INPP4B: variants seen among roughly 807,000 people sequenced by gnomAD.
INPP4B encodes inositol polyphosphate 4-phosphatase type II.
INPP4B carries 55 observed loss-of-function variants against 122.5 expected under a neutral mutation model. The ratio of observed to expected loss-of-function variants is 0.45; its 90% CI spans 0.36 to 0.56. The LOEUF (loss-of-function observed/expected upper bound fraction) is 0.56, where lower values mean the gene tolerates loss of function less well. INPP4B is among the 20% of genes least tolerant of loss of function. The pLI is 0.00. For missense variants in INPP4B, 1,000 were observed against 1,097.7 expected, an observed-to-expected ratio of 0.91 and a Z score of 1.26; for synonymous variants, 403 against 388.7, an observed-to-expected ratio of 1.04 and a Z score of -0.43.
chr4:142,192,171 G>C (rs1308608215), intron 15 of INPP4B, among the ~76,000 whole-genome samples: 1 of 151,440 alleles, frequency 6.6e-6, no homozygotes, highest in African/African-American at 2.4e-5. Flanking sequence ...TAAGGGTGGA[G>C]GGTGGAGGAG....
chr4:142,411,615 G>A (rs1182879266), intron 5 of INPP4B, among the ~76,000 whole-genome samples: 1 of 152,146 alleles, frequency 6.6e-6, no homozygotes, highest in Non-Finnish European at 1.5e-5. Context: ...ACAGGGGCCA[G>A]GCACAGTGGC....
chr4:142,678,442 C>T (rs977452075), intron 2 of INPP4B, among the ~76,000 whole-genome samples: 5 of 151,932 alleles, frequency 3.3e-5, no homozygotes, highest in African/African-American at 4.8e-5. Flanking sequence ...CATTAGACAA[C>T]TGAGTGTGTG....
At chr4:142,278,605 T>C (rs1367746921) in intron 9 of INPP4B, among the ~76,000 whole-genome samples, 1 of 151,892 alleles carries the variant, frequency 6.6e-6, no homozygotes, top group Non-Finnish European at 1.5e-5. Flanking sequence ...GAATTCCCCT[T>C]ACCTTTTATT....
chr4:142,102,622 G>T (rs982324922), intron 23 of INPP4B, among the ~76,000 whole-genome samples: 1 of 151,988 alleles, frequency 6.6e-6, no homozygotes, highest in Non-Finnish European at 1.5e-5. Context: ...AGTTTTCTGT[G>T]ACCTTTTGCT....
chr4:142,511,402 A>G (rs1422947710), intron 2 of INPP4B, among the ~76,000 whole-genome samples: 1 of 152,186 alleles, frequency 6.6e-6, no homozygotes, highest in African/African-American at 2.4e-5. Context: ...TCTGCTTGTC[A>G]TTCTATCTAA....
At chr4:142,796,530 G>C (rs576451999) in intron 1 of INPP4B, among the ~76,000 whole-genome samples, 1 of 152,038 alleles carries the variant, frequency 6.6e-6, no homozygotes, top group Non-Finnish European at 1.5e-5. Context: ...GCTGAACAGA[G>C]AAGAGGTAAA....
chr4:142,404,570 T>C (rs1802692840), intron 6 of INPP4B, among the ~76,000 whole-genome samples: 1 of 152,186 alleles, frequency 6.6e-6, no homozygotes, highest in Non-Finnish European at 1.5e-5. Context: ...AATGTTATAT[T>C]AGTAATAATA....
chr4:142,321,467 A>T (rs1410955970), intron 7 of INPP4B, among the ~76,000 whole-genome samples: 1 of 151,884 alleles, frequency 6.6e-6, no homozygotes, highest in Non-Finnish European at 1.5e-5. Context: ...TTTTTGTTGC[A>T]TTTGCTTTTG....
intron 5 of INPP4B, among the ~76,000 whole-genome samples, chr4:142,408,554 T>C (rs1803940297): frequency 6.6e-6 from 1 of 152,082 alleles, no homozygotes; most frequent in African/African-American, 2.4e-5. Flanking sequence ...CTCTGTCTCA[T>C]AAATAAATAA....
At chr4:142,555,416 T>G (rs1431591036) in intron 2 of INPP4B, among the ~76,000 whole-genome samples, 1 of 152,072 alleles carries the variant, frequency 6.6e-6, no homozygotes, top group Non-Finnish European at 1.5e-5. Flanking sequence ...ATGAAAGATG[T>G]TAAGGAGGGA....
At chr4:142,496,206 T>C (rs1185836898) in intron 2 of INPP4B, among the ~76,000 whole-genome samples, 1 of 152,170 alleles carries the variant, frequency 6.6e-6, no homozygotes, top group Admixed American at 6.6e-5. Flanking sequence ...TTCTTCCTGG[T>C]TAATTTTGCT....
chr4:142,031,850 C>G (rs944082407), intron 25 of INPP4B, among the ~76,000 whole-genome samples: 5 of 152,108 alleles, frequency 3.3e-5, no homozygotes, highest in African/African-American at 1.2e-4. Context: ...CTACTATGAA[C>G]CAATTGCTGC....
intron 1 of INPP4B, among the ~76,000 whole-genome samples, chr4:142,845,989 C>T (rs1008160640): frequency 3.3e-5 from 5 of 151,906 alleles, no homozygotes; most frequent in Admixed American, 3.3e-4. Context: ...CCCCAGCAGC[C>T]GAGGAGAGAC....
chr4:142,140,478 AT>A (rs1354935320), intron 18 of INPP4B, among the ~76,000 whole-genome samples: 1 of 152,188 alleles, frequency 6.6e-6, no homozygotes, highest in Non-Finnish European at 1.5e-5. Context: ...CCTTTTAGTG[AT>A]GTGCCTTAAG....
At chr4:142,536,616 C>T (rs1828224163) in intron 2 of INPP4B, among the ~76,000 whole-genome samples, 1 of 152,210 alleles carries the variant, frequency 6.6e-6, no homozygotes, top group Non-Finnish European at 1.5e-5. Context: ...TCTCTTCCTG[C>T]ACTTCACCAA....
At chr4:142,578,758 C>T (rs1734386666) in intron 2 of INPP4B, among the ~76,000 whole-genome samples, 1 of 151,932 alleles carries the variant, frequency 6.6e-6, no homozygotes, top group African/African-American at 2.4e-5. Context: ...TATTTCAGCC[C>T]TTAACAAATG....
At chr4:142,565,948 A>C (rs1486477792) in intron 2 of INPP4B, 1 of 152,196 alleles carries the variant, frequency 6.6e-6, no homozygotes, top group Non-Finnish European at 1.5e-5. Context: ...TCATCGACCT[A>C]GTATAAGAGA....
At chr4:142,639,090 T>C (rs1328234480) in intron 2 of INPP4B, among the ~76,000 whole-genome samples, 2 of 152,228 alleles carry the variant, frequency 1.3e-5, no homozygotes, top group Non-Finnish European at 2.9e-5. Flanking sequence ...GACTGTTTTT[T>C]GAATGCTGAC....
At chr4:142,464,172 A>G (rs1467736442) in intron 2 of INPP4B, among the ~76,000 whole-genome samples, 1 of 152,172 alleles carries the variant, frequency 6.6e-6, no homozygotes, top group African/African-American at 2.4e-5. Context: ...TTTATAAAAC[A>G]ATTTACTATT....
Sources: gnomAD v4.1 joint callset for allele counts (sites outside exome capture counted in the v4.1 genomes callset) on GRCh38, gnomAD v4.1.1 for gene constraint, MANE v1.5 for transcripts, NCBI Gene and HGNC (gene_info 2026-07-23, HGNC 2026-07-21) for gene names.